The following GSE1 variants were observed in gnomAD, a reference collection of about 807,000 sequenced individuals.
GSE1 encodes the protein Gse1 coiled-coil protein, also known as genetic suppressor element 1.
Under a neutral mutation model 112.6 loss-of-function variants are expected in GSE1, and 32 were observed. The observed-to-expected ratio is 0.28, with a 90% CI of 0.21 to 0.38. The LOEUF is 0.38. Among genes scored for constraint, GSE1 ranks in the 10% least tolerant of loss-of-function variants. GSE1 has a pLI of 1.00. For missense variants in GSE1, 2,348 were observed against 1,699.2 expected (o/e 1.38, Z -6.71); for synonymous variants, 1,115 against 735.6 (o/e 1.52, Z -8.35).
chr16:85,602,564 C>T (rs959262922), intron 1 of GSE1, among the ~76,000 whole-genome samples: 4 of 152,062 alleles, frequency 2.6e-5, no homozygotes, highest in African/African-American at 9.7e-5. Context: ...TGACCCGCTG[C>T]TCCAGAACCC....
intron 2 of GSE1, among the ~76,000 whole-genome samples, chr16:85,548,243 AAAAGAAAGAAAGAAAG>A (rs796819003): frequency 3.0e-5 from 4 of 132,220 alleles, no homozygotes; most frequent in Middle Eastern, 4.1e-3. Context: ...AAAAAAAAAA[AAAAGAAAGAAAGAAAG>A]AAAGAAAGAA....
chr16:85,194,430 T>G (rs1386678569), intron 1 of GSE1, among the ~76,000 whole-genome samples: 1 of 152,174 alleles, frequency 6.6e-6, no homozygotes, highest in East Asian at 1.9e-4. Flanking sequence ...TGAGCTTCTT[T>G]TTCTAAGAGG....
At chr16:85,647,761 A>G (rs760182334) in intron 2 of GSE1, among the ~76,000 whole-genome samples, 4 of 152,124 alleles carry the variant, frequency 2.6e-5, no homozygotes, top group South Asian at 2.1e-4. Context: ...TAATATTTGT[A>G]TTTTTAGTAG....
intron 2 of GSE1, among the ~76,000 whole-genome samples, chr16:85,498,684 G>A (rs2051263143): frequency 6.6e-6 from 1 of 152,374 alleles, no homozygotes; most frequent in African/African-American, 2.4e-5. Context: ...GCACACGACA[G>A]CACACAGTGG....
In GSE1 at chr16:85,181,297, C is replaced by T. The variant is rs772421268; in HGVS notation, c.2283+9490C>T. Among the ~76,000 whole-genome samples, 12 of 152,214 alleles carry T rather than the reference C, an allele frequency of 7.9e-5. No individual in the cohort carries two copies. In the East Asian group the frequency reaches 2.1e-3, roughly 27 times the overall value. On this transcript the variant is annotated intron_variant, in intron 1 of 2. Transcript: ENST00000637419. ...CCCCATGGGCGGATGGTATCATTCCCGCTTTTCAGATAAGGAGGCCAAGGC... is the reference window on the plus strand; with the variant it reads ...CCCCATGGGCGGATGGTATCATTCCTGCTTTTCAGATAAGGAGGCCAAGGC...
intron 6 of GSE1, 68 bp downstream of exon 6, chr16:85,655,985 C>G: frequency 3.8e-6 from 5 of 1,324,300 alleles, no homozygotes; most frequent in Non-Finnish European, 5.2e-6. Flanking sequence ...GGGCAGAAAG[C>G]CTGGGCTGGA....
At chr16:85,251,686 C>T (rs1013306618) in intron 1 of GSE1, among the ~76,000 whole-genome samples, 1 of 152,252 alleles carries the variant, frequency 6.6e-6, no homozygotes, top group African/African-American at 2.4e-5. Context: ...CTTTCACACG[C>T]AGGCCTCTGC....
intron 8 of GSE1, among the ~76,000 whole-genome samples, 161 bp downstream of exon 8, chr16:85,657,765 TA>T (rs779870834): frequency 6.6e-6 from 1 of 152,202 alleles, no homozygotes; most frequent in Non-Finnish European, 1.5e-5. Flanking sequence ...CTGTCTTGCC[TA>T]TGGGGAAGCT....
chr16:85,479,085 G>A (rs1265993060), intron 2 of GSE1, among the ~76,000 whole-genome samples: 1 of 134,146 alleles, frequency 7.5e-6, no homozygotes, highest in Non-Finnish European at 1.6e-5. Context: ...GCAGTGGCAC[G>A]ATCTCGGCTC....
chr16:85,245,008 AT>A (rs61081331), intron 1 of GSE1, among the ~76,000 whole-genome samples: 269 of 110,268 alleles, frequency 2.4e-3, no homozygotes, highest in South Asian at 7.5e-3. Context: ...AAAAAAAAAA[AT>A]TTTTTTTCCG....
At position 85,657,558 on chromosome 16, in the gene GSE1, C is replaced by T. The variant is rs573910064; in HGVS notation, c.1594C>T (p.Pro532Ser). ...GGAGCAGCACCTGGATATGGGCCGG[C>T]CCCCGGTGCCGGCGGAGGCAGAGCA... ...VLEQHLDMGR[P>S]PVPAEAEHRP... Residue 532 changes from proline (P) to serine (S), a missense_variant, in exon 8 of 16, where the codon CCC becomes TCC. Transcript: ENST00000253458. 7 of 1,574,766 alleles carry T rather than the reference C, an allele frequency of 4.4e-6. No individual in the cohort carries two copies. The highest frequency in any genetic ancestry group is 2.6e-6 in the Non-Finnish European group (3 of 1,160,082).
chr16:85,616,056 G>C (rs1030361118), intron 1 of GSE1, among the ~76,000 whole-genome samples: 4 of 152,226 alleles, frequency 2.6e-5, no homozygotes, highest in African/African-American at 9.6e-5. Flanking sequence ...TGTGGTTTCA[G>C]AGCAGAAGCC....
intron 1 of GSE1, among the ~76,000 whole-genome samples, chr16:85,337,490 A>G (rs368388733): frequency 3.5e-4 from 53 of 151,876 alleles, no homozygotes; most frequent in African/African-American, 1.3e-3. Flanking sequence ...TATTTTTAGT[A>G]GAGACAGGGT....
intron 1 of GSE1, among the ~76,000 whole-genome samples, chr16:85,202,470 A>G (rs749263360): frequency 2.6e-5 from 4 of 152,180 alleles, no homozygotes; most frequent in East Asian, 1.9e-4. Flanking sequence ...GGGTCTCACT[A>G]TGTTGCTGGT....
intron 1 of GSE1, among the ~76,000 whole-genome samples, chr16:85,239,237 G>C (rs1904975147): frequency 6.6e-6 from 1 of 152,152 alleles, no homozygotes; most frequent in African/African-American, 2.4e-5. Flanking sequence ...AGGCCTGGCA[G>C]TGGCCTTTTT....
chr16:85,663,155 C>A (rs1567752801), intron 10 of GSE1, 62 bp downstream of exon 10: 1 of 1,282,876 alleles, frequency 7.8e-7, no homozygotes, highest in Non-Finnish European at 1.1e-6. Flanking sequence ...AGCGTCCACA[C>A]CCTGCAGTCC....
chr16:85,256,503 C>T (rs1008156084), intron 1 of GSE1, among the ~76,000 whole-genome samples: 1 of 152,212 alleles, frequency 6.6e-6, no homozygotes, highest in Admixed American at 6.5e-5. Flanking sequence ...GGCTGAGGTG[C>T]TCACTCGGGG....
intron 1 of GSE1, among the ~76,000 whole-genome samples, chr16:85,263,747 A>G (rs1011238476): frequency 6.6e-6 from 1 of 151,868 alleles, no homozygotes; most frequent in Non-Finnish European, 1.5e-5. Flanking sequence ...TAATTTTTGT[A>G]TTTCTAGTAG....
At chr16:85,590,492 C>T (rs2046953908) in intron 1 of GSE1, among the ~76,000 whole-genome samples, 1 of 145,392 alleles carries the variant, frequency 6.9e-6, no homozygotes, top group Admixed American at 6.9e-5. Context: ...TGTGTGAACG[C>T]ATGGGCCTGT....
Sources: allele counts gnomAD v4.1 joint callset (sites outside exome capture counted in the v4.1 genomes callset), GRCh38; gene constraint gnomAD v4.1.1; transcripts MANE v1.5; gene names NCBI Gene and HGNC (gene_info 2026-07-23, HGNC 2026-07-21).